KCNQ3: variants seen among roughly 807,000 people sequenced by gnomAD.
KCNQ3 encodes potassium voltage-gated channel subfamily KQT member 3.
Under a neutral mutation model 92.5 loss-of-function variants are expected in KCNQ3, and 30 were observed. The observed-to-expected ratio is 0.32, with a 90% CI of 0.24 to 0.44. The LOEUF is 0.44. Among genes scored for constraint, KCNQ3 ranks in the 20% least tolerant of loss-of-function variants. The pLI, the probability that KCNQ3 is intolerant of heterozygous loss-of-function variation, is 1.00. For synonymous variants in KCNQ3, 450 were observed against 468.8 expected, an observed-to-expected ratio of 0.96 and a Z score of 0.52; for missense variants, 913 against 1,140.3, an observed-to-expected ratio of 0.80 and a Z score of 2.87.
intron 1 of KCNQ3, among the ~76,000 whole-genome samples, chr8:132,358,847 G>C (rs1281266267): frequency 6.6e-6 from 1 of 152,168 alleles, no homozygotes; most frequent in African/African-American, 2.4e-5. Context: ...AAGGGACTGT[G>C]AGTACCTAAT....
At chr8:132,445,274 T>G (rs1051628660) in intron 1 of KCNQ3, among the ~76,000 whole-genome samples, 1 of 151,908 alleles carries the variant, frequency 6.6e-6, no homozygotes, top group Non-Finnish European at 1.5e-5. Flanking sequence ...AGGAAGAGGG[T>G]CAGGCCCCAG....
chr8:132,390,551 T>C (rs539712030), intron 1 of KCNQ3, among the ~76,000 whole-genome samples: 1 of 152,324 alleles, frequency 6.6e-6, no homozygotes, highest in East Asian at 1.9e-4. Context: ...GGGTGTGGTA[T>C]GGGTGTTTTG....
In KCNQ3 at chr8:132,389,314, G is replaced by T. The variant is rs181299431; in HGVS notation, c.386+90833C>A. ...TCTACCAAAAATACAAAAATTAGCT[G>T]GGCGTGGTGGCACATGCCTGTAATC... On this transcript the variant is annotated intron_variant, in intron 1 of 14. Coordinates refer to ENST00000388996, the MANE Select transcript of KCNQ3 (RefSeq NM_004519.4). 3.9e-5 allele frequency among the ~76,000 whole-genome samples: 6 copies of T among 152,204 alleles called. No homozygotes were observed. In the East Asian group the frequency reaches 1.2e-3, roughly 29 times the overall value.
intron 1 of KCNQ3, among the ~76,000 whole-genome samples, chr8:132,254,315 C>T (rs564554281): frequency 6.6e-6 from 1 of 152,212 alleles, no homozygotes; most frequent in African/African-American, 2.4e-5. Context: ...GTAAACAGTA[C>T]AGAAATTACA....
intron 1 of KCNQ3, among the ~76,000 whole-genome samples, chr8:132,470,045 C>T (rs1334073513): frequency 1.3e-5 from 2 of 152,058 alleles, no homozygotes; most frequent in Non-Finnish European, 2.9e-5. Context: ...TCTATTATTG[C>T]ATTTGCTAGA....
In KCNQ3 at chr8:132,446,203, A is replaced by G. The variant is rs1235338761; in HGVS notation, c.386+33944T>C. Among the ~76,000 whole-genome samples the G allele has an allele frequency of 3.3e-5, 5 of 152,170 alleles. No homozygotes were observed. In the East Asian group the frequency reaches 9.6e-4, roughly 29 times the overall value. ...ACGGCCCTGCAGTGGCTTCCACAAC[A>G]TGCCTCAGCCTGGATCCACCAACCT... On this transcript the variant is annotated intron_variant, in intron 1 of 14. Coordinates refer to ENST00000388996, the MANE Select transcript of KCNQ3 (RefSeq NM_004519.4).
chr8:132,257,581 TA>T (rs958900818), intron 1 of KCNQ3, among the ~76,000 whole-genome samples: 13 of 150,750 alleles, frequency 8.6e-5, no homozygotes. Flanking sequence ...CCATCTCTAC[TA>T]AAAAAAATAC....
intron 9 of KCNQ3, among the ~76,000 whole-genome samples, chr8:132,160,304 G>A (rs975097973): frequency 1.3e-5 from 2 of 152,210 alleles, no homozygotes; most frequent in African/African-American, 4.8e-5. Flanking sequence ...CTGATGCGGA[G>A]GAAGGCTAAT....
chr8:132,187,702 G>A (rs1042500943), intron 1 of KCNQ3, among the ~76,000 whole-genome samples: 2 of 90,658 alleles, frequency 2.2e-5, no homozygotes, highest in Admixed American at 9.0e-5. Flanking sequence ...TGTGATGATA[G>A]TGGTGGTGGT....
chr8:132,464,627 C>T (rs1563921015), intron 1 of KCNQ3, among the ~76,000 whole-genome samples: 1 of 152,174 alleles, frequency 6.6e-6, no homozygotes, highest in Non-Finnish European at 1.5e-5. Context: ...ATGGTCAAGG[C>T]TGTACATTAG....
rs1235163714 is a variant in KCNQ3 at position 132,129,326 on chromosome 8, G to T, written c.2555C>A (p.Pro852His). The stretch of plus-strand genomic sequence containing the variant: ...AATCCCATCCCCTGTGGACGACAGA[G>T]GCATGGAGCCGCTGGGCGTGAAGGG... Reference protein sequence around the residue: ...TDPFTPSGSMPLSSTGDGISD... With the variant: ...TDPFTPSGSMHLSSTGDGISD... The change falls in exon 15 of 15, where the codon CCT (proline) becomes CAT (histidine). Residue 852 changes from proline (P) to histidine (H), a missense_variant. Coordinates refer to ENST00000388996, the MANE Select transcript of KCNQ3 (RefSeq NM_004519.4). The surrounding 1 kb of genome is among the most constrained non-coding windows in gnomAD (Gnocchi z 5.9). 6.2e-7 allele frequency: 1 copy of T among 1,614,052 alleles called. No homozygotes were observed. Among genetic ancestry groups the T allele is most frequent in the Non-Finnish European group, 8.5e-7 (1 of 1,180,040 alleles).
chr8:132,429,792 C>T (rs1230683495), intron 1 of KCNQ3, among the ~76,000 whole-genome samples: 4 of 141,934 alleles, frequency 2.8e-5, no homozygotes, highest in African/African-American at 5.3e-5. Context: ...ACCCAGGAGG[C>T]GGAGGTTGCA....
At chr8:132,437,310 TA>T (rs984693226) in intron 1 of KCNQ3, among the ~76,000 whole-genome samples, 6 of 148,126 alleles carry the variant, frequency 4.1e-5, no homozygotes, top group East Asian at 2.0e-4. Flanking sequence ...ATAAAAAAAA[TA>T]AAAAAAAAGA....
chr8:132,294,032 G>A (rs200129766), intron 1 of KCNQ3, among the ~76,000 whole-genome samples: 3 of 123,102 alleles, frequency 2.4e-5, no homozygotes, highest in Admixed American at 1.0e-4. Context: ...ACGGAGTCTC[G>A]CTTTGTCACC....
At position 132,127,366 on chromosome 8, in the gene KCNQ3, G is replaced by T. The variant is rs1354777123; in HGVS notation, c.*1896C>A. ...CCTTGGCCTGGGACTTTGGGCTTTG[G>T]TTCTAAGTTCCTAAAGTCAGGGGTC... is the stretch of plus-strand genomic sequence containing the variant. On this transcript the variant is annotated 3_prime_UTR_variant, in exon 15 of 15. Transcript: ENST00000388996. 1.3e-5 allele frequency: 2 copies of T among 152,208 alleles called. No individual in the cohort carries two copies. Among genetic ancestry groups the T allele is most frequent in the Non-Finnish European group, 2.9e-5 (2 of 68,062 alleles). 9.4% of individuals were successfully genotyped at this position (152,208 alleles called of 1,614,324 possible). A position where few individuals can be genotyped will look rare whatever the true frequency, so the allele number is the denominator to read the frequency against.
At chr8:132,144,001 C>A (rs939316442) in intron 9 of KCNQ3, among the ~76,000 whole-genome samples, 2 of 152,184 alleles carry the variant, frequency 1.3e-5, no homozygotes, top group African/African-American at 4.8e-5. Flanking sequence ...TAATAGCAGC[C>A]ACTTTTTCCT....
At chr8:132,231,081 C>T (rs766306588) in intron 1 of KCNQ3, among the ~76,000 whole-genome samples, 6 of 152,114 alleles carry the variant, frequency 3.9e-5, no homozygotes, top group Non-Finnish European at 7.3e-5. Flanking sequence ...GATGGCCATG[C>T]GACCAGAATG....
intron 1 of KCNQ3, among the ~76,000 whole-genome samples, chr8:132,356,432 T>C (rs1819019244): frequency 2.0e-5 from 3 of 152,172 alleles, no homozygotes; most frequent in Admixed American, 2.0e-4. Flanking sequence ...TCTTCCTACT[T>C]TGAGGCTCTG....
intron 1 of KCNQ3, among the ~76,000 whole-genome samples, chr8:132,353,318 A>T (rs567416886): frequency 6.6e-6 from 1 of 152,066 alleles, no homozygotes; most frequent in Middle Eastern, 3.2e-3. Flanking sequence ...AGGGAAAGGA[A>T]GGGAAGGAAG....
Sources: allele counts gnomAD v4.1 joint callset (sites outside exome capture counted in the v4.1 genomes callset), GRCh38; gene constraint gnomAD v4.1.1; non-coding constraint Gnocchi (gnomAD v3.1); transcripts MANE v1.5; gene names NCBI Gene and HGNC (gene_info 2026-07-23, HGNC 2026-07-21).